EIPR1: variants seen among roughly 807,000 people sequenced by gnomAD.
EIPR1 encodes the protein EARP and GARP complex-interacting protein 1.
A neutral mutation model predicts 48.1 loss-of-function variants in EIPR1; 25 were observed. The ratio of observed to expected loss-of-function variants is 0.52; its 90% CI spans 0.38 to 0.73. The LOEUF is 0.73. Ranked by LOEUF, EIPR1 falls within the 30% of genes least tolerant of loss-of-function variation. The pLI is 0.00. For synonymous variants in EIPR1, 204 were observed against 201.9 expected (o/e 1.01, Z -0.09); for missense variants, 415 against 506.2 (o/e 0.82, Z 1.73).
intron 4 of EIPR1, among the ~76,000 whole-genome samples, 171 bp downstream of exon 4, chr2:3,257,128 A>C (rs1461884057): frequency 6.6e-6 from 1 of 152,194 alleles, no homozygotes; most frequent in South Asian, 2.1e-4. Context: ...CAATGCGGCT[A>C]ATCTAGAAAA....
chr2:3,199,197 CCCAGGCAG>C (rs1157685519), intron 5 of EIPR1, among the ~76,000 whole-genome samples: 1 of 152,044 alleles, frequency 6.6e-6, no homozygotes, highest in Non-Finnish European at 1.5e-5. Flanking sequence ...CCACCCGGCT[CCCAGGCAG>C]CCAGACTTTA....
chr2:3,306,233 C>A (rs1668941157), intron 3 of EIPR1, among the ~76,000 whole-genome samples: 2 of 152,220 alleles, frequency 1.3e-5, no homozygotes, highest in Admixed American at 1.3e-4. Flanking sequence ...GCGCTGTACA[C>A]ACCTTTCCCA....
intron 3 of EIPR1, among the ~76,000 whole-genome samples, chr2:3,293,451 T>C (rs965609827): frequency 1.3e-5 from 2 of 152,218 alleles, no homozygotes; most frequent in Non-Finnish European, 2.9e-5. Context: ...CAAAGCTGCA[T>C]GCCCCAGGGA....
At chr2:3,330,052 G>T (rs1271373596) in intron 3 of EIPR1, among the ~76,000 whole-genome samples, 6 of 152,274 alleles carry the variant, frequency 3.9e-5, no homozygotes, top group African/African-American at 9.6e-5. Flanking sequence ...TGCGGCACCA[G>T]CCTGGGCTTC....
At chr2:3,197,154 CTT>C (rs1163339814) in intron 5 of EIPR1, 137 bp from the exon 6 acceptor site, 3 of 1,049,948 alleles carry the variant, frequency 2.9e-6, no homozygotes, top group East Asian at 5.4e-5. Context: ...GAAGCTCTGT[CTT>C]TGTTTCCTTT....
At chr2:3,345,122 G>A (rs901590812) in intron 2 of EIPR1, among the ~76,000 whole-genome samples, 1 of 152,170 alleles carries the variant, frequency 6.6e-6, no homozygotes, top group Non-Finnish European at 1.5e-5. Flanking sequence ...AGCCTGTGCA[G>A]TGCGTGGTCA....
rs1022563048 is a variant in EIPR1, at chr2:3,312,498, C to T, written c.259+25519G>A. ...TCCAAAATACACCCTGTCCAATATT[C>T]CATCTCCAGGTTCCCATGGTCCTCC... is the stretch of plus-strand genomic sequence containing the variant. On this transcript the variant is annotated intron_variant, in intron 3 of 8. Transcript: ENST00000382125. The surrounding 1 kb of genome is among the most constrained non-coding windows in gnomAD (Gnocchi z 5.5). 6.6e-6 allele frequency among the ~76,000 whole-genome samples: 1 copy of T among 152,196 alleles called. No homozygotes were observed. Among genetic ancestry groups the T allele is most frequent in the African/African-American group, 2.4e-5 (1 of 41,448 alleles).
Position 3,199,620 on chromosome 2 carries a change from G to A in EIPR1, c.517-2603C>T, listed in dbSNP as rs543615331. Among the ~76,000 whole-genome samples, 13 of 152,326 alleles carry A rather than the reference G, an allele frequency of 8.5e-5. No homozygotes were observed. The South Asian group carries it at 1.0e-3, about 12-fold the overall frequency. ...CATGACTCCATATCTGGGCAGAAGC[G>A]AGGAGGTTGTGTCTGCATCTGAGCA... On this transcript the variant is annotated intron_variant, in intron 5 of 8. Transcript: ENST00000382125.
chr2:3,361,120 C>G (rs1048087232), intron 1 of EIPR1, among the ~76,000 whole-genome samples: 2 of 152,190 alleles, frequency 1.3e-5, no homozygotes, highest in Non-Finnish European at 2.9e-5. Flanking sequence ...TCCAGGAGAA[C>G]TGAGGTGATG....
At chr2:3,299,439 G>C (rs2103290915) in intron 3 of EIPR1, among the ~76,000 whole-genome samples, 1 of 152,296 alleles carries the variant, frequency 6.6e-6, no homozygotes, top group Admixed American at 6.5e-5. Context: ...GATGTGATCT[G>C]ACTGGGCGCG....
At chr2:3,207,747 C>G (rs1026099725) in intron 5 of EIPR1, 4 of 152,212 alleles carry the variant, frequency 2.6e-5, no homozygotes, top group African/African-American at 9.7e-5. Context: ...CGCTCAGTTG[C>G]TAGATACCAG....
chr2:3,367,977 G>A (rs1203145583), intron 1 of EIPR1, among the ~76,000 whole-genome samples: 5 of 152,122 alleles, frequency 3.3e-5, no homozygotes, highest in African/African-American at 4.8e-5. Flanking sequence ...CCCGGGAGGC[G>A]GAGCTTGCAG....
At chr2:3,324,878 C>T (rs1236727079) in intron 3 of EIPR1, among the ~76,000 whole-genome samples, 1 of 152,222 alleles carries the variant, frequency 6.6e-6, no homozygotes, top group Non-Finnish European at 1.5e-5. Flanking sequence ...GGGTCAGTGG[C>T]GCCTTGGTTT....
intron 2 of EIPR1, among the ~76,000 whole-genome samples, chr2:3,339,945 G>A (rs560716069): frequency 7.2e-5 from 11 of 152,306 alleles, no homozygotes; most frequent in South Asian, 2.1e-4. Flanking sequence ...GCGAGACTCC[G>A]TCTCAACAAC....
At chr2:3,253,261 GTC>G in intron 4 of EIPR1, among the ~76,000 whole-genome samples, 1 of 152,088 alleles carries the variant, frequency 6.6e-6, no homozygotes, top group Non-Finnish European at 1.5e-5. Flanking sequence ...GCTTCGAGTT[GTC>G]CCCCCTTTCT....
chr2:3,337,751 C>T (rs115807512), intron 3 of EIPR1, among the ~76,000 whole-genome samples: 362 of 152,276 alleles, frequency 2.4e-3, no homozygotes, highest in Non-Finnish European at 3.8e-3. Context: ...TCTGCCTCAC[C>T]GGAAACTCCA....
intron 2 of EIPR1, among the ~76,000 whole-genome samples, chr2:3,347,886 T>C (rs985466553): frequency 8.5e-5 from 13 of 152,140 alleles, no homozygotes; most frequent in African/African-American, 1.4e-4. Context: ...GGCTACCCTG[T>C]GATGCTTCAG....
chr2:3,310,668 A>G (rs940046957), intron 3 of EIPR1, among the ~76,000 whole-genome samples: 6 of 151,136 alleles, frequency 4.0e-5, no homozygotes, highest in East Asian at 1.9e-4. Context: ...AAAAAAAAAA[A>G]AAAAAAAGTC....
At chr2:3,282,129 G>C (rs576407473) in intron 3 of EIPR1, among the ~76,000 whole-genome samples, 1 of 152,364 alleles carries the variant, frequency 6.6e-6, no homozygotes, top group Non-Finnish European at 1.5e-5. Flanking sequence ...AAATAAGTAA[G>C]TTTATGAAAA....
Sources: gnomAD v4.1 joint callset for allele counts (sites outside exome capture counted in the v4.1 genomes callset) on GRCh38, gnomAD v4.1.1 for gene constraint, Gnocchi (gnomAD v3.1) non-coding constraint, MANE v1.5 for transcripts, NCBI Gene and HGNC (gene_info 2026-07-23, HGNC 2026-07-21) for gene names.